SDR9C7: variants seen among roughly 807,000 people sequenced by gnomAD.
The protein encoded by SDR9C7 is short-chain dehydrogenase/reductase family 9C member 7.
A neutral mutation model predicts 23.6 loss-of-function variants in SDR9C7; 11 were observed. The observed-to-expected ratio is 0.47, with a 90% CI of 0.29 to 0.77. SDR9C7 has a LOEUF of 0.77. SDR9C7 is among the 30% of genes least tolerant of loss of function. SDR9C7 has a pLI of 0.09. For missense variants in SDR9C7, 387 were observed against 407.1 expected (o/e 0.95, Z 0.42); for synonymous variants, 167 against 157.3 (o/e 1.06, Z -0.46).
At chr12:56,929,298 T>G (rs1236787234) in intron 3 of SDR9C7, 92 bp downstream of exon 3, 1 of 1,317,838 alleles carries the variant, frequency 7.6e-7, no homozygotes, top group Non-Finnish European at 1.1e-6. Flanking sequence ...TCCTCTGCAT[T>G]TTGTCTCACC....
chr12:56,930,380 C>T lies in SDR9C7; in HGVS notation c.406G>A (p.Gly136Arg), dbSNP rs781408150. Residue 136 changes from glycine (G) to arginine (R), a missense_variant, in exon 2 of 4, where the codon GGA becomes AGA. Physicochemically the swap from Gly to Arg is moderately radical, Grantham distance 125 (BLOSUM62 -2). Transcript: ENST00000293502. ...FVKVINVNLV[G>R]LIEVTLHMLP... ...ATGTGAAGGGTCACTTCGATCAGTC[C>T]CACCAGGTTCACATTAATCACCTTC... 5.0e-6 allele frequency: 8 copies of T among 1,614,172 alleles called. No individual in the cohort carries two copies. Among genetic ancestry groups the T allele is most frequent in the Non-Finnish European group, 6.8e-6 (8 of 1,180,030 alleles).
At chr12:56,926,424 C>T (rs1955733943) in intron 3 of SDR9C7, among the ~76,000 whole-genome samples, 1 of 152,180 alleles carries the variant, frequency 6.6e-6, no homozygotes, top group African/African-American at 2.4e-5. Context: ...GAGCCATTTA[C>T]AAGGCTCTCT....
chr12:56,926,511 C>A (rs1326833312), intron 3 of SDR9C7, among the ~76,000 whole-genome samples: 2 of 152,206 alleles, frequency 1.3e-5, no homozygotes, highest in African/African-American at 4.8e-5. Context: ...AATCTCTCCC[C>A]TCCTCAATCA....
At chr12:56,933,895 T>A in intron 1 of SDR9C7, 66 bp downstream of exon 1, 1 of 1,532,388 alleles carries the variant, frequency 6.5e-7, no homozygotes, top group Middle Eastern at 1.7e-4. Context: ...TACTGTCAGA[T>A]GCTTCGGGAG....
At chr12:56,930,890 T>G (rs1955764856) in intron 1 of SDR9C7, among the ~76,000 whole-genome samples, 1 of 152,222 alleles carries the variant, frequency 6.6e-6, no homozygotes, top group South Asian at 2.1e-4. Context: ...CATTCATTCA[T>G]TCATCTTCAC....
chr12:56,924,899 C>A (rs1030363788), intron 3 of SDR9C7, among the ~76,000 whole-genome samples: 2 of 152,046 alleles, frequency 1.3e-5, no homozygotes, highest in African/African-American at 4.8e-5. Flanking sequence ...CCAGCCTGGG[C>A]AACAGAGTGA....
At chr12:56,932,715 T>C (rs140524993) in intron 1 of SDR9C7, among the ~76,000 whole-genome samples, 3 of 152,304 alleles carry the variant, frequency 2.0e-5, no homozygotes, top group African/African-American at 7.2e-5. Context: ...TTCAGTACCT[T>C]ACTAGGTGCC....
intron 1 of SDR9C7, among the ~76,000 whole-genome samples, chr12:56,932,846 G>A (rs1280439237): frequency 6.6e-6 from 1 of 151,886 alleles, no homozygotes; most frequent in East Asian, 1.9e-4. Context: ...ATTGTACATT[G>A]ACTAGTGATA....
chr12:56,933,891 CAG>C, intron 1 of SDR9C7, 68 bp downstream of exon 1: 1 of 1,526,898 alleles, frequency 6.5e-7, no homozygotes, highest in Non-Finnish European at 8.8e-7. Flanking sequence ...CTGATACTGT[CAG>C]ATGCTTCGGG....
At chr12:56,933,426 T>C (rs1039776286) in intron 1 of SDR9C7, among the ~76,000 whole-genome samples, 1 of 152,184 alleles carries the variant, frequency 6.6e-6, no homozygotes, top group Non-Finnish European at 1.5e-5. Flanking sequence ...TGGCGCAATC[T>C]TGGCTCACTG....
chr12:56,929,874 G>C (rs1198759382), intron 2 of SDR9C7, among the ~76,000 whole-genome samples: 1 of 151,642 alleles, frequency 6.6e-6, no homozygotes, highest in Non-Finnish European at 1.5e-5. Flanking sequence ...GAATGGTGTG[G>C]ATATACACAA....
At position 56,933,946 on chromosome 12, in the gene SDR9C7, T is replaced by A. The variant is rs760833054; in HGVS notation, c.301+15A>T. 5 of 1,595,474 alleles carry A rather than the reference T, an allele frequency of 3.1e-6. No homozygotes were observed. In the African/African-American group the frequency reaches 6.7e-5, roughly 21 times the overall value. ...AGGAGAAACCAAGAAAGCCAAAGAA[T>A]GTAATTCGCCCCACCTTGTTCGCCC... On this transcript the variant is annotated intron_variant, in intron 1 of 3. Coordinates refer to ENST00000293502, the MANE Select transcript of SDR9C7 (RefSeq NM_148897.3).
Position 56,929,570 on chromosome 12 carries a change from G to A in SDR9C7, c.561-17C>T, listed in dbSNP as rs375240612. Reference sequence around the variant, plus strand: ...AGCTCACGCCTGGGAAAGAAGAGTTGCAGTCAGTCTGGGCCCCAAGATGAC... The same window carrying A: ...AGCTCACGCCTGGGAAAGAAGAGTTACAGTCAGTCTGGGCCCCAAGATGAC... On this transcript the variant is annotated splice_polypyrimidine_tract_variant and intron_variant, in intron 2 of 3. Coordinates refer to ENST00000293502, the MANE Select transcript of SDR9C7 (RefSeq NM_148897.3). 22 of 1,592,318 alleles carry A rather than the reference G, an allele frequency of 1.4e-5. No individual in the cohort carries two copies. The highest frequency in any genetic ancestry group is 1.9e-5 in the Non-Finnish European group (22 of 1,161,620).
At chr12:56,927,479 C>T (rs1955741670) in intron 3 of SDR9C7, among the ~76,000 whole-genome samples, 1 of 152,230 alleles carries the variant, frequency 6.6e-6, no homozygotes, top group Admixed American at 6.5e-5. Context: ...AGATTTCCCT[C>T]TGGGGACCTA....
chr12:56,927,120 A>G (rs1955739483), intron 3 of SDR9C7, among the ~76,000 whole-genome samples: 1 of 152,184 alleles, frequency 6.6e-6, no homozygotes, highest in Non-Finnish European at 1.5e-5. Flanking sequence ...TTTTCCTCTG[A>G]AATTATGGTG....
chr12:56,924,996 C>G (rs914173971), intron 3 of SDR9C7, among the ~76,000 whole-genome samples: 2 of 151,960 alleles, frequency 1.3e-5, no homozygotes, highest in African/African-American at 4.8e-5. Flanking sequence ...GAAGAGCAAA[C>G]ATGATGGGAA....
rs1398280047 is a variant in SDR9C7 at position 56,923,761 on chromosome 12, C to A, written c.*72G>T. ...AATGCCCCCAGGATAACCGATACCACCTTTTGTGACCCCACGGTCCTTCCT... is the reference window on the plus strand; with the variant it reads ...AATGCCCCCAGGATAACCGATACCAACTTTTGTGACCCCACGGTCCTTCCT... On this transcript the variant is annotated 3_prime_UTR_variant, in exon 4 of 4. Coordinates refer to ENST00000293502, the MANE Select transcript of SDR9C7 (RefSeq NM_148897.3). 1 of 1,258,112 alleles carries A rather than the reference C, an allele frequency of 7.9e-7. No individual in the cohort carries two copies. The highest frequency in any genetic ancestry group is 1.1e-6 in the Non-Finnish European group (1 of 902,962). 77.9% of individuals were successfully genotyped at this position (1,258,112 alleles called of 1,614,324 possible).
Position 56,923,817 on chromosome 12 carries a change from A to G in SDR9C7, c.*16T>C, listed in dbSNP as rs2136365421. 1 of 1,567,064 alleles carries G rather than the reference A, an allele frequency of 6.4e-7. No homozygotes were observed. The highest frequency in any genetic ancestry group is 8.7e-7 in the Non-Finnish European group (1 of 1,149,470). On this transcript the variant is annotated 3_prime_UTR_variant, in exon 4 of 4. Coordinates refer to ENST00000293502, the MANE Select transcript of SDR9C7 (RefSeq NM_148897.3). Reference sequence around the variant, plus strand: ...CCCCACTTCTAGGCTCCACTGACCCATTGATCCTCCCCAGTTTAGACACTG... The same window carrying G: ...CCCCACTTCTAGGCTCCACTGACCCGTTGATCCTCCCCAGTTTAGACACTG...
intron 3 of SDR9C7, 58 bp from the exon 4 acceptor site, chr12:56,924,108 T>C: frequency 8.1e-7 from 1 of 1,240,984 alleles, no homozygotes; most frequent in Non-Finnish European, 1.1e-6. Flanking sequence ...AGATGGCTTC[T>C]TCCGAATTCC....
Sources: gnomAD v4.1 joint callset for allele counts (sites outside exome capture counted in the v4.1 genomes callset) on GRCh38, gnomAD v4.1.1 for gene constraint, MANE v1.5 for transcripts, NCBI Gene and HGNC (gene_info 2026-07-23, HGNC 2026-07-21) for gene names.